The following GLRA2 variants were observed in gnomAD, a reference collection of about 807,000 sequenced individuals.
GLRA2 encodes the protein glycine receptor subunit alpha-2.
In GLRA2, 11 loss-of-function variants were observed where a neutral mutation model predicts 31.6. The observed-to-expected ratio is 0.35, with a 90% CI of 0.22 to 0.58. The LOEUF is 0.58. Among genes scored for constraint, GLRA2 ranks in the 20% least tolerant of loss-of-function variants. GLRA2 has a pLI of 0.84. For synonymous variants in GLRA2, 132 were observed against 134.0 expected, an observed-to-expected ratio of 0.99 and a Z score of 0.10; for missense variants, 212 against 351.8, an observed-to-expected ratio of 0.60 and a Z score of 3.18.
At chrX:14,691,271 CTGTGTGTGTGTGTGTG>C (rs4014173) in intron 8 of GLRA2, among the ~76,000 whole-genome samples, 244 of 85,261 alleles carry the variant, frequency 2.9e-3, no homozygotes, top group South Asian at 0.021. Flanking sequence ...TAAATATTGA[CTGTGTGTGTGTGTGTG>C]TGTGTGTGTG....
intron 8 of GLRA2, among the ~76,000 whole-genome samples, chrX:14,727,447 C>T (rs1224879787): frequency 8.9e-6 from 1 of 112,097 alleles, no homozygotes; most frequent in Non-Finnish European, 1.9e-5. Context: ...GGCATCATTT[C>T]TACTTCACAC....
At chrX:14,621,344 A>G (rs1237114555) in intron 7 of GLRA2, among the ~76,000 whole-genome samples, 1 of 110,654 alleles carries the variant, frequency 9.0e-6, no homozygotes, top group East Asian at 2.8e-4. Flanking sequence ...TTTTAAAACT[A>G]AAAGTTTGTT....
intron 8 of GLRA2, among the ~76,000 whole-genome samples, chrX:14,723,244 T>C (rs2091887687): frequency 1.8e-5 from 2 of 112,326 alleles, no homozygotes; most frequent in Admixed American, 1.9e-4. Flanking sequence ...TTCTTTCTCA[T>C]TGAATGGCAT....
At chrX:14,699,564 C>T (rs773759627) in intron 8 of GLRA2, among the ~76,000 whole-genome samples, 1 of 112,179 alleles carries the variant, frequency 8.9e-6, no homozygotes, top group Non-Finnish European at 1.9e-5. Context: ...TCATATGAAA[C>T]ACTTATTTCT....
intron 7 of GLRA2, among the ~76,000 whole-genome samples, chrX:14,651,680 A>G (rs912940378): frequency 8.0e-5 from 9 of 111,903 alleles, no homozygotes; most frequent in Non-Finnish European, 1.3e-4. Context: ...AGTACAATCT[A>G]TAATGCTTGC....
chrX:14,521,826 G>A, the GLRA2 span, among the ~76,000 whole-genome samples: 4 of 112,019 alleles, frequency 3.6e-5, no homozygotes, highest in African/African-American at 1.3e-4. Flanking sequence ...TAAAAATAAT[G>A]CACATACCTT....
chrX:14,625,175 C>CT (rs1381698951), intron 7 of GLRA2, among the ~76,000 whole-genome samples: 7 of 110,527 alleles, frequency 6.3e-5, no homozygotes, highest in Admixed American at 1.9e-4. Flanking sequence ...GCAACCCCTG[C>CT]TTTTTTTTGT....
At chrX:14,640,872 AATATAT>A in intron 7 of GLRA2, among the ~76,000 whole-genome samples, 1 of 108,432 alleles carries the variant, frequency 9.2e-6, no homozygotes, top group Non-Finnish European at 1.9e-5. Context: ...TTATCTTGAC[AATATAT>A]ATATATATAG....
intron 7 of GLRA2, among the ~76,000 whole-genome samples, chrX:14,681,778 G>C (rs2091204590): frequency 9.8e-6 from 1 of 101,978 alleles, no homozygotes; most frequent in African/African-American, 3.6e-5. Flanking sequence ...TGTAATCCCA[G>C]TTACTCGGCA....
chrX:14,612,025 T>A (rs1249791473), intron 7 of GLRA2, among the ~76,000 whole-genome samples: 1 of 111,899 alleles, frequency 8.9e-6, no homozygotes, highest in Non-Finnish European at 1.9e-5. Flanking sequence ...CTCATAATAA[T>A]ATTACATGTA....
chrX:14,478,769 T>C, the GLRA2 span, among the ~76,000 whole-genome samples: 1 of 112,424 alleles, frequency 8.9e-6, no homozygotes, highest in Non-Finnish European at 1.9e-5. Flanking sequence ...CTTCCTGTTA[T>C]AGCCTCACTT....
intron 2 of GLRA2, among the ~76,000 whole-genome samples, chrX:14,564,401 C>A (rs894868505): frequency 1.8e-5 from 2 of 110,715 alleles, no homozygotes; most frequent in African/African-American, 6.5e-5. Flanking sequence ...TAAGACATTA[C>A]TAGACCAGCA....
intron 2 of GLRA2, among the ~76,000 whole-genome samples, chrX:14,566,173 A>G (rs921458050): frequency 8.9e-6 from 1 of 112,025 alleles, no homozygotes; most frequent in Non-Finnish European, 1.9e-5. Flanking sequence ...AGAGAAGATT[A>G]CGAATAATTT....
the GLRA2 span, among the ~76,000 whole-genome samples, chrX:14,507,780 G>A: frequency 0.056 from 4,959 of 88,876 alleles, 123 homozygotes; most frequent in Middle Eastern, 0.22. Flanking sequence ...TGCAACCTCC[G>A]CCTCCTGGGT....
chrX:14,663,977 G>C (rs1322380743), intron 7 of GLRA2, among the ~76,000 whole-genome samples: 1 of 110,601 alleles, frequency 9.0e-6, no homozygotes, highest in Non-Finnish European at 1.9e-5. Context: ...TTCTTGATTA[G>C]TCTAGCAGTT....
the GLRA2 span, among the ~76,000 whole-genome samples, chrX:14,508,745 T>C: frequency 1.8e-5 from 2 of 111,834 alleles, no homozygotes; most frequent in Non-Finnish European, 3.8e-5. Flanking sequence ...ATTTGTTGAA[T>C]GAAAAAAATG....
At chrX:14,686,578 T>G (rs1278225224) in intron 7 of GLRA2, among the ~76,000 whole-genome samples, 5 of 111,596 alleles carry the variant, frequency 4.5e-5, no homozygotes, top group Non-Finnish European at 9.4e-5. Context: ...ATGGCCTTCT[T>G]TTTCTCTTTT....
At chrX:14,481,984 T>G in the GLRA2 span, among the ~76,000 whole-genome samples, 1 of 111,999 alleles carries the variant, frequency 8.9e-6, no homozygotes, top group Non-Finnish European at 1.9e-5. Flanking sequence ...TTAAAATGTT[T>G]ATATATACAC....
intron 7 of GLRA2, among the ~76,000 whole-genome samples, chrX:14,670,730 A>C (rs1276708309): frequency 2.7e-5 from 3 of 111,706 alleles, no homozygotes; most frequent in Admixed American, 9.5e-5. Context: ...ATTTAAGATA[A>C]GATTTGGGTG....
Sources: gnomAD v4.1 joint callset for allele counts (sites outside exome capture counted in the v4.1 genomes callset) on GRCh38, gnomAD v4.1.1 for gene constraint, MANE v1.5 for transcripts, NCBI Gene and HGNC (gene_info 2026-07-23, HGNC 2026-07-21) for gene names.